The following RECQL5 variants were observed in gnomAD, a reference collection of about 807,000 sequenced individuals.
RECQL5 encodes the protein RecQ like helicase 5, also known as ATP-dependent DNA helicase Q5.
RECQL5 carries 88 observed loss-of-function variants against 103.4 expected under a neutral mutation model. The ratio of observed to expected loss-of-function variants is 0.85; its 90% CI spans 0.72 to 1.02. The LOEUF (loss-of-function observed/expected upper bound fraction) is 1.02. RECQL5 is among the 50% of genes least tolerant of loss of function. RECQL5 has a pLI of 0.00. For missense variants in RECQL5, 1,232 were observed against 1,284.3 expected (o/e 0.96, Z 0.62); for synonymous variants, 552 against 507.9 (o/e 1.09, Z -1.17).
rs1163845291 is a variant in RECQL5 at position 75,640,818 on chromosome 17, C to A, written c.1230-9150G>T. 6.5e-7 allele frequency: 1 copy of A among 1,550,082 alleles called. No homozygotes were observed. ...ACTGTTCTGCTGTTGCTGCTGATAG[C>A]CTGCAGCTGCTGCTGCACTCACTGC... On this transcript the variant is annotated intron_variant, in intron 8 of 19. Coordinates refer to ENST00000317905, the MANE Select transcript of RECQL5 (RefSeq NM_004259.7). The surrounding 1 kb of genome is among the most constrained non-coding windows in gnomAD (Gnocchi z 4.6).
In RECQL5 at chr17:75,630,838, CTG is replaced by C. The variant is rs142406301; in HGVS notation, c.1586-3_1586-2del. The C allele has an allele frequency of 3.2e-6, 3 of 952,058 alleles. No homozygotes were observed. In the South Asian group the frequency reaches 5.1e-5, roughly 16 times the overall value. 59.0% of individuals were successfully genotyped at this position (952,058 alleles called of 1,614,324 possible). A position where few individuals can be genotyped will look rare whatever the true frequency, so the allele number is the denominator to read the frequency against. On this transcript the variant is annotated splice_acceptor_variant and splice_polypyrimidine_tract_variant and intron_variant, in intron 11 of 19. Transcript: ENST00000317905. LOFTEE classifies it high-confidence loss of function. ...GCCTCTTTCAGGGGACAGTTCTCAT[CTG>C]TGGGGGGGGGGGGTGGTCCTTGGTC...
Position 75,640,756 on chromosome 17 carries a change from C to A in RECQL5, c.1230-9088G>T. The A allele has an allele frequency of 6.5e-7, 1 of 1,541,936 alleles. No homozygotes were observed. On this transcript the variant is annotated intron_variant, in intron 8 of 19. Coordinates refer to ENST00000317905, the MANE Select transcript of RECQL5 (RefSeq NM_004259.7). This position sits in a 1 kb window ranked among gnomAD's most constrained non-coding sequence, Gnocchi z 4.6. ...GAGGGTGGGCATCCTTTCTCTCCCC[C>A]AACCTGAGTCCCGTGCTCTCTCCCG...
Position 75,630,847 on chromosome 17 carries a change from G to GT in RECQL5, c.1586-11_1586-10insA, listed in dbSNP as rs199630828. On this transcript the variant is annotated splice_polypyrimidine_tract_variant and intron_variant, in intron 11 of 19. Transcript: ENST00000317905. The stretch of plus-strand genomic sequence containing the variant: ...AGGGGACAGTTCTCATCTGTGGGGG[G>GT]GGGGGGTGGTCCTTGGTCCTTTCGC... 4.1e-6 allele frequency: 6 copies of GT among 1,457,888 alleles called. No individual in the cohort carries two copies. The African/African-American group carries it at 5.9e-5, about 14-fold the overall frequency. The allele number at this position is 1,457,888 out of a possible 1,614,324, so 90.3% of individuals were successfully genotyped here. A position where few individuals can be genotyped will look rare whatever the true frequency, so the allele number is the denominator to read the frequency against.
chr17:75,650,661 C>T, intron 8 of RECQL5: 1 of 1,614,060 alleles, frequency 6.2e-7, no homozygotes, highest in Non-Finnish European at 8.5e-7. Flanking sequence ...CATGCCTGGA[C>T]ACAACCTGAC....
chr17:75,642,627 G>C (rs895094107), intron 8 of RECQL5, among the ~76,000 whole-genome samples: 5 of 152,224 alleles, frequency 3.3e-5, no homozygotes, highest in Non-Finnish European at 7.3e-5. Flanking sequence ...GAATGATGAC[G>C]ATGATCATGA....
At chr17:75,661,834 C>T in intron 4 of RECQL5, 126 bp from the exon 5 acceptor site, 1 of 647,930 alleles carries the variant, frequency 1.5e-6, no homozygotes, top group Non-Finnish European at 2.7e-6. Context: ...TCTTCTGAGG[C>T]AGGACACCCA....
intron 6 of RECQL5, among the ~76,000 whole-genome samples, chr17:75,659,356 G>A (rs1194573801): frequency 4.6e-5 from 7 of 151,962 alleles, no homozygotes; most frequent in South Asian, 2.1e-4. Context: ...CACTGTGCCC[G>A]GCCTTGTTTT....
chr17:75,652,001 C>T (rs2059561743), intron 7 of RECQL5, among the ~76,000 whole-genome samples: 1 of 151,980 alleles, frequency 6.6e-6, no homozygotes, highest in Non-Finnish European at 1.5e-5. Context: ...CTGAGGTGGG[C>T]GGATCACCTG....
chr17:75,661,794 T>A, intron 4 of RECQL5, 86 bp from the exon 5 acceptor site: 1 of 972,890 alleles, frequency 1.0e-6, no homozygotes, highest in Admixed American at 2.0e-5. Context: ...TAAAAGAAGC[T>A]CTGTGTTCCT....
At position 75,630,833 on chromosome 17, in the gene RECQL5, C is replaced by G; in HGVS notation, c.1590G>C (p.Glu530Asp). 7.2e-7 allele frequency: 1 copy of G among 1,387,102 alleles called. No individual in the cohort carries two copies. Among genetic ancestry groups the G allele is most frequent in the Non-Finnish European group, 9.4e-7 (1 of 1,062,056 alleles). 85.9% of individuals were successfully genotyped at this position (1,387,102 alleles called of 1,614,324 possible). Residue 530 changes from glutamate to aspartate, a missense_variant, in exon 12 of 20, where the codon GAG (glutamate) becomes GAC (aspartate). Glu to Asp is a conservative substitution (Grantham distance 45). Coordinates refer to ENST00000317905, the MANE Select transcript of RECQL5 (RefSeq NM_004259.7). ...TAGAAGCCTCTTTCAGGGGACAGTT[C>G]TCATCTGTGGGGGGGGGGGGTGGTC... ...PKIEEFVPPD[E>D]NCPLKEASSR...
rs116650736 is a variant in RECQL5, at chr17:75,658,443, T to C, written c.1004A>G (p.Asn335Ser). ...GTACCCAGCCATAGACTTGGCAATA[T>C]TCCAATGGGCGACAAACCTGTAGGA... ...KANVRFVAHW[N>S]IAKSMAGYYQ... is the part of the protein sequence containing the mutation. Residue 335 changes from asparagine to serine, a missense_variant, in exon 7 of 20, where the codon AAT (asparagine) becomes AGT (serine). Physicochemically the swap from Asn to Ser is conservative, Grantham distance 46. Transcript: ENST00000317905. 15 of 1,613,648 alleles carry C rather than the reference T, an allele frequency of 9.3e-6. No individual in the cohort carries two copies. In the African/African-American group the frequency reaches 1.3e-4, roughly 14 times the overall value.
rs535953990 is a variant in RECQL5 at position 75,644,479 on chromosome 17, C to T, written c.1229+6707G>A. Reference sequence around the variant, plus strand: ...AAAATTAGCCAGGTGTGGTAGCATACACCTGTGGTCCCAGCTACTCCTGTG... The same window carrying T: ...AAAATTAGCCAGGTGTGGTAGCATATACCTGTGGTCCCAGCTACTCCTGTG... On this transcript the variant is annotated intron_variant, in intron 8 of 19. Transcript: ENST00000317905. 6.6e-5 allele frequency among the ~76,000 whole-genome samples: 10 copies of T among 152,056 alleles called. No homozygotes were observed. The South Asian group carries it at 1.9e-3, about 28-fold the overall frequency.
At chr17:75,664,605 G>T (rs772499903) in intron 3 of RECQL5, among the ~76,000 whole-genome samples, 170 of 152,244 alleles carry the variant, frequency 1.1e-3, no homozygotes, top group Admixed American at 7.2e-4. Flanking sequence ...GAATGAGATA[G>T]GCAAATCATA....
At chr17:75,663,769 T>C (rs1324137970) in intron 3 of RECQL5, among the ~76,000 whole-genome samples, 1 of 152,200 alleles carries the variant, frequency 6.6e-6, no homozygotes, top group Non-Finnish European at 1.5e-5. Context: ...AATTAACGTA[T>C]GTAAGCCGGG....
In RECQL5 at chr17:75,640,095, G is replaced by A; in HGVS notation, c.1230-8427C>T. On this transcript the variant is annotated intron_variant, in intron 8 of 19. Coordinates refer to ENST00000317905, the MANE Select transcript of RECQL5 (RefSeq NM_004259.7). This position sits in a 1 kb window ranked among gnomAD's most constrained non-coding sequence, Gnocchi z 4.6. ...CTGCGGGCTGCGGATGGGTGCGAGG[G>A]TGGAATCTCGGTGCTGCGACGAGTG... is the stretch of plus-strand genomic sequence containing the variant. 7.1e-7 allele frequency: 1 copy of A among 1,414,482 alleles called. No individual in the cohort carries two copies. The highest frequency in any genetic ancestry group is 9.3e-7 in the Non-Finnish European group (1 of 1,077,270). 87.6% of individuals were successfully genotyped at this position (1,414,482 alleles called of 1,614,324 possible).
rs752759372 is a variant in RECQL5 at position 75,631,464 on chromosome 17, G to C, written c.1434C>G (p.Tyr478Ter). The C allele has an allele frequency of 1.9e-6, 3 of 1,611,364 alleles. No individual in the cohort carries two copies. The African/African-American group carries it at 4.0e-5, about 22-fold the overall frequency. Residue 478 changes from tyrosine (Y) to a stop codon, truncating the protein, a stop_gained, in exon 9 of 20, where the codon TAC becomes TAG. Transcript: ENST00000317905. LOFTEE classifies it high-confidence loss of function. ...CGGCCCCTTACCTGCTGAAGTCCCC[G>C]TAGCCCTTGCGGCCTCCCTCATACA... ...PELYEGGRKG[Y>*]GDFSRYDEGS... is the part of the protein sequence containing the mutation.
At chr17:75,628,640 C>A in intron 17 of RECQL5, 32 bp downstream of exon 17, 1 of 1,563,564 alleles carries the variant, frequency 6.4e-7, no homozygotes, top group African/African-American at 1.4e-5. Context: ...CAGCCCTTCT[C>A]TCCTCCCCAA....
chr17:75,661,547 G>C, intron 5 of RECQL5, 59 bp downstream of exon 5: 1 of 1,184,064 alleles, frequency 8.4e-7, no homozygotes, highest in Non-Finnish European at 1.3e-6. Context: ...TAAAGAACAA[G>C]AGACCAGCTA....
intron 8 of RECQL5, among the ~76,000 whole-genome samples, chr17:75,642,591 C>A (rs2059446649): frequency 6.6e-6 from 1 of 152,244 alleles, no homozygotes; most frequent in Admixed American, 6.5e-5. Flanking sequence ...TGTCCATTCT[C>A]AGCCCCCTCC....
Sources: gnomAD v4.1 joint callset for allele counts (sites outside exome capture counted in the v4.1 genomes callset) on GRCh38, gnomAD v4.1.1 for gene constraint, Gnocchi (gnomAD v3.1) non-coding constraint, MANE v1.5 for transcripts, NCBI Gene and HGNC (gene_info 2026-07-23, HGNC 2026-07-21) for gene names.